Variants in TRPC4 observed in about 807,000 individuals in gnomAD.
The protein encoded by TRPC4 is transient receptor potential cation channel subfamily C member 4.
TRPC4 carries 49 observed loss-of-function variants against 99.4 expected under a neutral mutation model. That is an observed-to-expected ratio of 0.49 (90% CI 0.39 to 0.63). The LOEUF (loss-of-function observed/expected upper bound fraction) is 0.63. TRPC4 is among the 20% of genes least tolerant of loss of function. TRPC4 has a pLI of 0.00. For synonymous variants in TRPC4, 454 were observed against 425.9 expected (o/e 1.07, Z -0.81); for missense variants, 898 against 1,152.9 (o/e 0.78, Z 3.20).
intron 3 of TRPC4, among the ~76,000 whole-genome samples, chr13:37,734,256 T>G: frequency 6.6e-6 from 1 of 152,186 alleles, no homozygotes; most frequent in East Asian, 1.9e-4. Context: ...GTTAGAAATA[T>G]TTTCCTGGGC....
intron 3 of TRPC4, among the ~76,000 whole-genome samples, chr13:37,693,064 C>CT (rs1432391193): frequency 2.0e-5 from 1 of 49,592 alleles, no homozygotes; most frequent in Non-Finnish European, 4.4e-5. Context: ...ATGGACACTA[C>CT]TTACTGTATG....
intron 7 of TRPC4, 145 bp from the exon 8 acceptor site, chr13:37,651,604 C>G: frequency 1.4e-6 from 1 of 711,196 alleles, no homozygotes; most frequent in Non-Finnish European, 2.3e-6. Flanking sequence ...CTCCCAGAGA[C>G]AGTCATCTAA....
chr13:37,763,544 A>T (rs922090598), intron 2 of TRPC4, among the ~76,000 whole-genome samples: 2 of 151,708 alleles, frequency 1.3e-5, no homozygotes, highest in African/African-American at 4.8e-5. Context: ...CTGAGCACCC[A>T]CTTGAAATTA....
chr13:37,691,133 A>G (rs9532100), intron 4 of TRPC4, among the ~76,000 whole-genome samples: 85,112 of 151,770 alleles, frequency 0.56, 24,081 homozygotes, highest in Middle Eastern at 0.65. Context: ...ACAGAGTCTC[A>G]CTCTGTCGCC....
At chr13:37,756,656 C>A (rs1190597184) in intron 2 of TRPC4, among the ~76,000 whole-genome samples, 7 of 151,886 alleles carry the variant, frequency 4.6e-5, no homozygotes, top group South Asian at 4.2e-4. Flanking sequence ...CCTCAGCCTC[C>A]CGAGTAGCTG....
At position 37,637,404 on chromosome 13, in the gene TRPC4, G is replaced by C. The variant is rs778455558; in HGVS notation, c.2433C>G (p.Ala811=). Residue 811 remains alanine, a synonymous_variant, in exon 11 of 11, where the codon GCC becomes GCG. Transcript: ENST00000379705. ...CATTGCTTATGTTATGTCTTTCAGA[G>C]GCAATTGCTGCTGATCTCGGATGAA... The part of the protein sequence containing the change: ...TLIHPRSAAI[A]SERHNISNGS... 6.2e-7 allele frequency: 1 copy of C among 1,613,720 alleles called. No homozygotes were observed. The highest frequency in any genetic ancestry group is 1.7e-5 in the Admixed American group (1 of 59,936).
chr13:37,746,224 C>T lies in TRPC4; in HGVS notation c.610G>A (p.Ala204Thr), dbSNP rs1223356704. 1.2e-6 allele frequency: 2 copies of T among 1,613,780 alleles called. No homozygotes were observed. The highest frequency in any genetic ancestry group is 2.2e-5 in the East Asian group (1 of 44,766). ...GACAGTGCAATGAGAGAGGGACTGGCCAAGGCCTTGTAGATGTTGAGTCTG... is the reference window on the plus strand; with the variant it reads ...GACAGTGCAATGAGAGAGGGACTGGTCAAGGCCTTGTAGATGTTGAGTCTG... ...RSRLNIYKAL[A>T]SPSLIALSSE... The change falls in exon 3 of 11, where the codon GCC becomes ACC. Residue 204 changes from alanine (A) to threonine (T), a missense_variant. By Grantham distance (58) the Ala-to-Thr change is moderately conservative. Around this residue, in one of 3 missense-constraint regions of TRPC4, gnomAD observed 278 missense variants for 346.6 expected, o/e 0.80. Coordinates refer to ENST00000379705, the MANE Select transcript of TRPC4 (RefSeq NM_016179.4).
chr13:37,757,240 A>G (rs1302789735), intron 2 of TRPC4, among the ~76,000 whole-genome samples: 1 of 152,074 alleles, frequency 6.6e-6, no homozygotes, highest in African/African-American at 2.4e-5. Flanking sequence ...TATGATTTCT[A>G]CTATTGACAA....
rs1008439671 is a variant in TRPC4, at chr13:37,636,149, C to A, written c.*754G>T. On this transcript the variant is annotated 3_prime_UTR_variant, in exon 11 of 11. Transcript: ENST00000379705. ...TGAAATTCAGTTATTCATAAAGACT[C>A]ATATTTATACTGATAAGCAGTTGAA... Among the ~76,000 whole-genome samples the A allele has an allele frequency of 1.3e-5, 2 of 151,796 alleles. No individual in the cohort carries two copies. The highest frequency in any genetic ancestry group is 2.4e-5 in the African/African-American group (1 of 41,320).
chr13:37,758,169 T>A (rs1196563785), intron 2 of TRPC4, among the ~76,000 whole-genome samples: 1 of 151,946 alleles, frequency 6.6e-6, no homozygotes, highest in Non-Finnish European at 1.5e-5. Context: ...AACAAAAGGC[T>A]TGTTTGCTAA....
chr13:37,725,737 G>A (rs1955030851), intron 3 of TRPC4, among the ~76,000 whole-genome samples: 1 of 152,098 alleles, frequency 6.6e-6, no homozygotes. Context: ...GGATAAAAAA[G>A]ATTCCTATAT....
intron 1 of TRPC4, among the ~76,000 whole-genome samples, chr13:37,799,155 C>T (rs1440474778): frequency 2.0e-5 from 3 of 151,898 alleles, no homozygotes; most frequent in Non-Finnish European, 2.9e-5. Flanking sequence ...AGGTTGGTCT[C>T]GATCTCCTGA....
rs544748782 is a variant in TRPC4 at position 37,675,116 on chromosome 13, A to G, written c.1235-749T>C. Among the ~76,000 whole-genome samples the G allele has an allele frequency of 3.3e-5, 5 of 152,328 alleles. No homozygotes were observed. The South Asian group carries it at 1.0e-3, about 32-fold the overall frequency. On this transcript the variant is annotated intron_variant, in intron 4 of 10. Transcript: ENST00000379705. ...GTAAATATGATGTCATAACTACATT[A>G]ACACAAGCAAACAGTGAGAATTTTT... is the stretch of plus-strand genomic sequence containing the variant.
chr13:37,716,747 C>A lies in TRPC4; in HGVS notation c.898-24412G>T, dbSNP rs184286140. ...ACCACGCACTCTCTCTACTCAAGGG[C>A]TATTTTTAATCGTTACAAGTCTCAA... On this transcript the variant is annotated intron_variant, in intron 3 of 10. Coordinates refer to ENST00000379705, the MANE Select transcript of TRPC4 (RefSeq NM_016179.4). Among the ~76,000 whole-genome samples, 188 of 152,188 alleles carry A rather than the reference C, an allele frequency of 1.2e-3. 1 individual carries two copies. The highest frequency in any genetic ancestry group is 3.4e-3 in the Middle Eastern group (1 of 294).
At position 37,703,772 on chromosome 13, in the gene TRPC4, G is replaced by T. The variant is rs181484258; in HGVS notation, c.898-11437C>A. 1.4e-3 allele frequency among the ~76,000 whole-genome samples: 209 copies of T among 152,078 alleles called. 1 individual carries two copies. Among genetic ancestry groups the T allele is most frequent in the East Asian group, 4.1e-3 (21 of 5,178 alleles). On this transcript the variant is annotated intron_variant, in intron 3 of 10. Coordinates refer to ENST00000379705, the MANE Select transcript of TRPC4 (RefSeq NM_016179.4). ...GCTTTTTAAAAAGAGTTTGCAGTTTGGTTTGGTTTGTTTTTAAATTAAATA... is the reference window on the plus strand; with the variant it reads ...GCTTTTTAAAAAGAGTTTGCAGTTTTGTTTGGTTTGTTTTTAAATTAAATA...
chr13:37,822,512 T>C (rs1168428558), intron 1 of TRPC4, among the ~76,000 whole-genome samples: 1 of 144,224 alleles, frequency 6.9e-6, no homozygotes, highest in Non-Finnish European at 1.5e-5. Context: ...TGAGTGAGAA[T>C]ATGCGGTGTT....
At chr13:37,678,055 G>C (rs1172271617) in intron 4 of TRPC4, among the ~76,000 whole-genome samples, 2 of 152,068 alleles carry the variant, frequency 1.3e-5, no homozygotes, top group Non-Finnish European at 2.9e-5. Context: ...CATGAGAAGA[G>C]TTAAAAATAT....
chr13:37,826,175 A>G (rs1458109917), intron 1 of TRPC4, among the ~76,000 whole-genome samples: 5 of 111,676 alleles, frequency 4.5e-5, no homozygotes, highest in African/African-American at 1.1e-4. Context: ...GTCTCTGCAC[A>G]TGAGATGGGT....
chr13:37,729,178 G>C (rs1447109781), intron 3 of TRPC4, among the ~76,000 whole-genome samples: 1 of 152,076 alleles, frequency 6.6e-6, no homozygotes, highest in Admixed American at 6.6e-5. Flanking sequence ...AACCTGTGTA[G>C]ATGTTTTTCC....
Sources: allele counts gnomAD v4.1 joint callset (sites outside exome capture counted in the v4.1 genomes callset), GRCh38; gene constraint gnomAD v4.1.1; regional missense constraint gnomAD v4.1.1; transcripts MANE v1.5; gene names NCBI Gene and HGNC (gene_info 2026-07-23, HGNC 2026-07-21).